Variants in NSD2 observed in about 807,000 individuals in gnomAD.
NSD2 encodes the protein nuclear receptor binding SET domain protein 2.
A neutral mutation model predicts 139.0 loss-of-function variants in NSD2; 12 were observed. The observed-to-expected ratio is 0.09, with a 90% CI of 0.06 to 0.14. NSD2 has a LOEUF of 0.14. NSD2 is among the 10% of genes least tolerant of loss of function. The pLI, the probability that NSD2 is intolerant of heterozygous loss-of-function variation, is 1.00. For missense variants in NSD2, 1,155 were observed against 1,745.0 expected, an observed-to-expected ratio of 0.66 and a Z score of 6.02; for synonymous variants, 669 against 648.7, an observed-to-expected ratio of 1.03 and a Z score of -0.48.
intron 21 of NSD2, among the ~76,000 whole-genome samples, chr4:1,978,145 A>G (rs1727309973): frequency 6.6e-6 from 1 of 152,134 alleles, no homozygotes; most frequent in South Asian, 2.1e-4. Context: ...AAGAATTCAG[A>G]TATTTGTGTA....
chr4:1,936,529 G>T (rs1274388961), intron 7 of NSD2, among the ~76,000 whole-genome samples: 2 of 152,026 alleles, frequency 1.3e-5, no homozygotes, highest in East Asian at 3.9e-4. Context: ...AAATTAGTCG[G>T]GTGTGGTGGT....
At chr4:1,891,900 C>T (rs1715599301) in intron 1 of NSD2, among the ~76,000 whole-genome samples, 1 of 148,552 alleles carries the variant, frequency 6.7e-6, no homozygotes, top group Non-Finnish European at 1.5e-5. Context: ...AACGAAAAAA[C>T]GAAAAACCTC....
chr4:1,955,887 T>C lies in NSD2; in HGVS notation c.2675+38T>C, dbSNP rs376862120. 1.9e-6 allele frequency: 3 copies of C among 1,609,464 alleles called. No homozygotes were observed. The highest frequency in any genetic ancestry group is 2.6e-6 in the Non-Finnish European group (3 of 1,176,342). On this transcript the variant is annotated intron_variant, in intron 14 of 21. Coordinates refer to ENST00000508803, the MANE Select transcript of NSD2 (RefSeq NM_001042424.3). This position sits in a 1 kb window ranked among gnomAD's most constrained non-coding sequence, Gnocchi z 4.7. The stretch of plus-strand genomic sequence containing the variant: ...GAATCGTATGCTTTTATGTCTTTTC[T>C]GTTCACATGTGTTCGCTTTACAGTA...
In NSD2 at chr4:1,982,003, T is replaced by C; in HGVS notation, c.*3094T>C. 1 of 398,534 alleles carries C rather than the reference T, an allele frequency of 2.5e-6. No homozygotes were observed. Among genetic ancestry groups the C allele is most frequent in the Non-Finnish European group, 4.4e-6 (1 of 226,000 alleles). The allele number at this position is 398,534 out of a possible 1,614,324, so 24.7% of individuals were successfully genotyped here. On this transcript the variant is annotated 3_prime_UTR_variant, in exon 22 of 22. Transcript: ENST00000508803. ...ATACAATGTAAGGTCAGATTCCTTT[T>C]AGGAATACTGGGTGCTGTCACCAGG...
At chr4:1,888,370 G>C (rs1311290494) in intron 1 of NSD2, among the ~76,000 whole-genome samples, 1 of 138,514 alleles carries the variant, frequency 7.2e-6, no homozygotes, top group Non-Finnish European at 1.5e-5. Flanking sequence ...CTGAGATCAG[G>C]CCACTGCACT....
chr4:1,944,513 A>G, intron 9 of NSD2: 2 of 1,065,492 alleles, frequency 1.9e-6, no homozygotes, highest in Non-Finnish European at 2.3e-6. Context: ...TCTTCCACAC[A>G]CTATGTCTGT....
intron 3 of NSD2, among the ~76,000 whole-genome samples, chr4:1,909,487 AC>A (rs1718379991): frequency 6.6e-6 from 1 of 152,022 alleles, no homozygotes; most frequent in African/African-American, 2.4e-5. Flanking sequence ...GGCCTGCAGC[AC>A]CCCATGATGA....
chr4:1,880,291 G>GTA (rs975964706), intron 1 of NSD2, among the ~76,000 whole-genome samples: 1 of 152,124 alleles, frequency 6.6e-6, no homozygotes, highest in Non-Finnish European at 1.5e-5. Flanking sequence ...TCACAAGGCT[G>GTA]TATGTGATGA....
intron 3 of NSD2, among the ~76,000 whole-genome samples, chr4:1,914,380 C>T (rs1004176757): frequency 2.0e-5 from 3 of 151,138 alleles, no homozygotes; most frequent in Non-Finnish European, 2.9e-5. Context: ...GGCTGGAGTG[C>T]GGTGGCACGA....
chr4:1,943,183 GA>G (rs1723276496), intron 9 of NSD2: 1 of 1,041,756 alleles, frequency 9.6e-7, no homozygotes, highest in Admixed American at 5.6e-5. Context: ...GCATGGTAAG[GA>G]AAAGGCTTAC....
At chr4:1,927,737 A>AG (rs1560672874) in intron 5 of NSD2, among the ~76,000 whole-genome samples, 2 of 149,112 alleles carry the variant, frequency 1.3e-5, no homozygotes, top group Non-Finnish European at 3.0e-5. Flanking sequence ...AAAAAAAAAA[A>AG]AAAAAAAAAA....
rs545713332 is a variant in NSD2 at position 1,975,139 on chromosome 4, T to A, written c.3514+135T>A. 104 of 1,469,866 alleles carry A rather than the reference T, an allele frequency of 7.1e-5. No homozygotes were observed. The African/African-American group carries it at 1.4e-3, about 19-fold the overall frequency. 91.1% of individuals were successfully genotyped at this position (1,469,866 alleles called of 1,614,324 possible). ...GATGTGGAGTCTCTTTTGGTTTGAA[T>A]ATCTCTTTTACCAAGCAAAATTGAA... is the stretch of plus-strand genomic sequence containing the variant. On this transcript the variant is annotated intron_variant, in intron 19 of 21. Coordinates refer to ENST00000508803, the MANE Select transcript of NSD2 (RefSeq NM_001042424.3).
At chr4:1,880,211 G>C (rs963726637) in intron 1 of NSD2, among the ~76,000 whole-genome samples, 8 of 152,096 alleles carry the variant, frequency 5.3e-5, no homozygotes, top group Non-Finnish European at 1.2e-4. Context: ...CAGCAGCAAA[G>C]CATCTTCTTC....
In NSD2 at chr4:1,942,728, T is replaced by C; in HGVS notation, c.1881+2950T>C. On this transcript the variant is annotated intron_variant, in intron 9 of 21. Transcript: ENST00000508803. This position sits in a 1 kb window ranked among gnomAD's most constrained non-coding sequence, Gnocchi z 4.0. ...GCTTTGCACGGAAGGGGTGGCCCTG[T>C]TAGAGTTGCTTCTCCTCTAGTTTGT... 1 of 1,094,724 alleles carries C rather than the reference T, an allele frequency of 9.1e-7. No homozygotes were observed. 67.8% of individuals were successfully genotyped at this position (1,094,724 alleles called of 1,614,324 possible). A position where few individuals can be genotyped will look rare whatever the true frequency, so the allele number is the denominator to read the frequency against.
intron 5 of NSD2, among the ~76,000 whole-genome samples, chr4:1,925,307 C>G (rs757063957): frequency 1.1e-4 from 17 of 150,220 alleles, no homozygotes; most frequent in Non-Finnish European, 1.9e-4. Flanking sequence ...CCTTCCTTTT[C>G]TAGGGTCCCT....
intron 3 of NSD2, among the ~76,000 whole-genome samples, chr4:1,915,764 A>T (rs985896463): frequency 6.6e-5 from 10 of 152,044 alleles, no homozygotes; most frequent in Non-Finnish European, 1.3e-4. Context: ...CTCACTGGAG[A>T]GGTTTTTCCT....
chr4:1,907,691 C>T (rs1360265123), intron 3 of NSD2, among the ~76,000 whole-genome samples: 1 of 139,148 alleles, frequency 7.2e-6, no homozygotes, highest in Non-Finnish European at 1.5e-5. Context: ...ACGATTTTGG[C>T]AACCTCTGCC....
intron 5 of NSD2, among the ~76,000 whole-genome samples, chr4:1,919,508 T>A (rs566677273): frequency 6.6e-6 from 1 of 152,348 alleles, no homozygotes; most frequent in African/African-American, 2.4e-5. Flanking sequence ...CTTCCCACTT[T>A]TGGTTATGTT....
At chr4:1,938,416 C>CTTTTTTTTTTTTTT (rs746279426) in intron 7 of NSD2, 35 bp from the exon 8 acceptor site, 73 of 325,800 alleles carry the variant, frequency 2.2e-4, no homozygotes, top group South Asian at 5.7e-4. Context: ...TTTTTTCTTT[C>CTTTTTTTTTTTTTT]TTTTTTTTTT....
Sources: allele counts gnomAD v4.1 joint callset (sites outside exome capture counted in the v4.1 genomes callset), GRCh38; gene constraint gnomAD v4.1.1; non-coding constraint Gnocchi (gnomAD v3.1); transcripts MANE v1.5; gene names NCBI Gene and HGNC (gene_info 2026-07-23, HGNC 2026-07-21).